STAT6: variants seen among roughly 807,000 people sequenced by gnomAD.
The protein encoded by STAT6 is STAT, interleukin4-induced.
Under a neutral mutation model 106.3 loss-of-function variants are expected in STAT6, and 45 were observed. The observed-to-expected ratio is 0.42, with a 90% confidence interval of 0.33 to 0.54. The LOEUF (loss-of-function observed/expected upper bound fraction) is 0.54, where lower values mean the gene tolerates loss of function less well. Among genes scored for constraint, STAT6 ranks in the 20% least tolerant of loss-of-function variants. The probability of loss-of-function intolerance (pLI) is 0.06; values close to 1 mark genes in which losing one functional copy is unlikely to be tolerated. For synonymous variants in STAT6, 413 were observed against 413.6 expected (o/e 1.00, Z 0.02); for missense variants, 797 against 1,062.2 (o/e 0.75, Z 3.47).
Position 57,104,999 on chromosome 12 carries a change from G to A in STAT6, c.1001+152C>T. ...CCCCCACCCCATTCCAGCCCTAAAT[G>A]GGTCCCTCCCTTTCCTCTGCCTTGA... On this transcript the variant is annotated intron_variant, in intron 9 of 21. Coordinates refer to ENST00000300134, the MANE Select transcript of STAT6 (RefSeq NM_003153.5). 2.5e-6 allele frequency: 3 copies of A among 1,198,118 alleles called. No homozygotes were observed. In the South Asian group the frequency reaches 4.4e-5, roughly 18 times the overall value. The allele number at this position is 1,198,118 out of a possible 1,614,324, so 74.2% of individuals were successfully genotyped here. A position where few individuals can be genotyped will look rare whatever the true frequency, so the allele number is the denominator to read the frequency against.
intron 3 of STAT6, 57 bp downstream of exon 3, chr12:57,107,548 C>G (rs2034350737): frequency 6.3e-7 from 1 of 1,590,652 alleles, no homozygotes; most frequent in East Asian, 2.2e-5. Context: ...GGGCCCAATG[C>G]TCAACCCAGT....
At position 57,096,733 on chromosome 12, in the gene STAT6, G is replaced by T; in HGVS notation, c.2383C>A (p.Leu795Met). Residue 795 changes from leucine (L) to methionine (M), a missense_variant, in exon 22 of 22, where the codon CTG becomes ATG. Transcript: ENST00000300134. ...GTGAGGTCCTGTTCAGTGGGAGGCA[G>T]CAGAGGAGGGAATATGTCTTCACCA... Reference protein sequence around the residue: ...WIGEDIFPPLLPPTEQDLTKL... With the variant: ...WIGEDIFPPLMPPTEQDLTKL... The T allele has an allele frequency of 6.2e-7, 1 of 1,613,200 alleles. No homozygotes were observed. Among genetic ancestry groups the T allele is most frequent in the African/African-American group, 1.3e-5 (1 of 75,002 alleles).
In STAT6 at chr12:57,102,941, G is replaced by A. The variant is rs749481717; in HGVS notation, c.1213-20C>T. Reference sequence around the variant, plus strand: ...CAGGGCCTGAAGAGGGTGAGGACAGGGGTTTCTTTTCTTTCTTTCTTTCCT... The same window carrying A: ...CAGGGCCTGAAGAGGGTGAGGACAGAGGTTTCTTTTCTTTCTTTCTTTCCT... On this transcript the variant is annotated intron_variant, in intron 11 of 21. Transcript: ENST00000300134. 27 of 1,355,986 alleles carry A rather than the reference G, an allele frequency of 2.0e-5. 1 individual carries two copies. The South Asian group carries it at 3.4e-4, about 17-fold the overall frequency. 84.0% of individuals were successfully genotyped at this position (1,355,986 alleles called of 1,614,324 possible). A position where few individuals can be genotyped will look rare whatever the true frequency, so the allele number is the denominator to read the frequency against.
intron 1 of STAT6, 32 bp from the exon 2 acceptor site, chr12:57,108,331 G>T: frequency 4.9e-6 from 6 of 1,229,152 alleles, no homozygotes; most frequent in Non-Finnish European, 7.0e-6. Flanking sequence ...ACTCTGAGGG[G>T]TGCCCAAGAA....
At chr12:57,102,584 C>T (rs1005425785) in intron 12 of STAT6, 88 bp from the exon 13 acceptor site, 2 of 1,373,196 alleles carry the variant, frequency 1.5e-6, no homozygotes, top group Non-Finnish European at 2.0e-6. Context: ...CTGCCTGTGG[C>T]CTACCCCTCC....
intron 18 of STAT6, 73 bp from the exon 19 acceptor site, chr12:57,098,670 T>A (rs2033613681): frequency 1.3e-6 from 2 of 1,563,868 alleles, no homozygotes; most frequent in Non-Finnish European, 8.8e-7. Flanking sequence ...TTTGAACAGG[T>A]GTCCCTCTCA....
intron 3 of STAT6, 135 bp from the exon 4 acceptor site, chr12:57,107,449 G>T (rs2034344371): frequency 5.3e-6 from 7 of 1,311,184 alleles, no homozygotes; most frequent in Non-Finnish European, 7.5e-6. Flanking sequence ...TTGTGCATTT[G>T]CATGCTTTTA....
chr12:57,096,414 G>A lies in STAT6; in HGVS notation c.*158C>T. 1 of 683,618 alleles carries A rather than the reference G, an allele frequency of 1.5e-6. No homozygotes were observed. 42.3% of individuals were successfully genotyped at this position (683,618 alleles called of 1,614,324 possible). A position where few individuals can be genotyped will look rare whatever the true frequency, so the allele number is the denominator to read the frequency against. ...GGAGTGGATTGGCTCCACCCACTGT[G>A]CATTCTCCTGTTAGTCTTTTCCTCC... is the stretch of plus-strand genomic sequence containing the variant. On this transcript the variant is annotated 3_prime_UTR_variant, in exon 22 of 22. Coordinates refer to ENST00000300134, the MANE Select transcript of STAT6 (RefSeq NM_003153.5).
chr12:57,108,403 CCCA>C, intron 1 of STAT6, 104 bp from the exon 2 acceptor site: 1 of 647,356 alleles, frequency 1.5e-6, no homozygotes, highest in Non-Finnish European at 2.8e-6. Flanking sequence ...AGGGACCGTC[CCCA>C]CCACCACTCA....
In STAT6 at chr12:57,103,371, G is replaced by C. The variant is rs188568771; in HGVS notation, c.1213-450C>G. On this transcript the variant is annotated intron_variant, in intron 11 of 21. Transcript: ENST00000300134. ...GTAGATACGAGGTTTCACCGTGTTA[G>C]CCAGGATGGTCTCGATTTCCTGACC... The C allele has an allele frequency of 1.2e-3, 183 of 157,164 alleles. 3 individuals are homozygous for C. In the South Asian group the frequency reaches 0.019, roughly 16 times the overall value. The allele number at this position is 157,164 out of a possible 1,614,324, so 9.7% of individuals were successfully genotyped here.
In STAT6 at chr12:57,102,383, G is replaced by A. The variant is rs1253608071; in HGVS notation, c.1419C>T (p.His473=). The change falls in exon 13 of 22, where the codon CAC becomes CAT. Residue 473 remains histidine, a synonymous_variant. Coordinates refer to ENST00000300134, the MANE Select transcript of STAT6 (RefSeq NM_003153.5). ...VGTNRGLLPE[H]FLFLAQKIFN... ...AGATCTTCTGGGCCAGGAAGAGGAAGTGCTCTGGGAGCAGCCCCCGGTTGG... is the reference window on the plus strand; with the variant it reads ...AGATCTTCTGGGCCAGGAAGAGGAAATGCTCTGGGAGCAGCCCCCGGTTGG... The A allele has an allele frequency of 2.5e-6, 4 of 1,614,198 alleles. No homozygotes were observed. Among genetic ancestry groups the A allele is most frequent in the Non-Finnish European group, 2.5e-6 (3 of 1,180,026 alleles).
chr12:57,104,612 G>A (rs759202551), intron 10 of STAT6, 26 bp from the exon 11 acceptor site: 1 of 1,613,692 alleles, frequency 6.2e-7, no homozygotes, highest in South Asian at 1.1e-5. Context: ...GGGAGAGCAA[G>A]GGCGAGGTCA....
chr12:57,107,018 C>A (rs1300141974), intron 4 of STAT6, among the ~76,000 whole-genome samples, 187 bp from the exon 5 acceptor site: 1 of 152,224 alleles, frequency 6.6e-6, no homozygotes, highest in East Asian at 1.9e-4. Context: ...TTATCCCTTG[C>A]TCTGTTCTCC....
chr12:57,106,193 C>A lies in STAT6; in HGVS notation c.678G>T (p.Glu226Asp). 6.2e-7 allele frequency: 1 copy of A among 1,614,070 alleles called. No individual in the cohort carries two copies. The highest frequency in any genetic ancestry group is 1.3e-5 in the African/African-American group (1 of 75,064). Residue 226 changes from glutamate (E) to aspartate (D), a missense_variant and splice_region_variant, in exon 7 of 22, where the codon GAG becomes GAT. Coordinates refer to ENST00000300134, the MANE Select transcript of STAT6 (RefSeq NM_003153.5). ...TTCCCCATCAGCCCTAGCCCAACCTCTCCTGGAGTGGGGCCAGGCTCTCCT... is the reference window on the plus strand; with the variant it reads ...TTCCCCATCAGCCCTAGCCCAACCTATCCTGGAGTGGGGCCAGGCTCTCCT... ...PFEESLAPLQ[E>D]RCESLVDIYS...
Position 57,102,936 on chromosome 12 carries a change from G to C in STAT6, c.1213-15C>G. ...AGAGACAGGGCCTGAAGAGGGTGAGGACAGGGGTTTCTTTTCTTTCTTTCT... is the reference window on the plus strand; with the variant it reads ...AGAGACAGGGCCTGAAGAGGGTGAGCACAGGGGTTTCTTTTCTTTCTTTCT... On this transcript the variant is annotated splice_polypyrimidine_tract_variant and intron_variant, in intron 11 of 21. Transcript: ENST00000300134. The C allele has an allele frequency of 7.0e-7, 1 of 1,435,942 alleles. No individual in the cohort carries two copies. The highest frequency in any genetic ancestry group is 9.4e-7 in the Non-Finnish European group (1 of 1,062,122). 89.0% of individuals were successfully genotyped at this position (1,435,942 alleles called of 1,614,324 possible).
chr12:57,106,867 C>T (rs759889017), intron 4 of STAT6, 36 bp from the exon 5 acceptor site: 1 of 1,610,690 alleles, frequency 6.2e-7, no homozygotes, highest in Non-Finnish European at 8.5e-7. Flanking sequence ...AAGTGAAACA[C>T]TCTGCTCATC....
At chr12:57,102,693 C>T (rs978861591) in intron 12 of STAT6, 136 bp downstream of exon 12, 30 of 909,490 alleles carry the variant, frequency 3.3e-5, no homozygotes, top group East Asian at 5.1e-5. Context: ...GTCAGAAGCA[C>T]GAAAGCAGGC....
chr12:57,102,258 G>A (rs764270193), intron 13 of STAT6, 32 bp downstream of exon 13: 1 of 1,611,766 alleles, frequency 6.2e-7, no homozygotes, highest in Non-Finnish European at 8.5e-7. Context: ...GAAGAGCTTG[G>A]GGGTGGGAGG....
At chr12:57,106,043 G>A in intron 7 of STAT6, 148 bp downstream of exon 7, 2 of 1,365,830 alleles carry the variant, frequency 1.5e-6, no homozygotes, top group Non-Finnish European at 2.0e-6. Context: ...ACGACAGTGT[G>A]CACAGCCCCG....
Sources: allele counts gnomAD v4.1 joint callset (sites outside exome capture counted in the v4.1 genomes callset), GRCh38; gene constraint gnomAD v4.1.1; transcripts MANE v1.5; gene names NCBI Gene and HGNC (gene_info 2026-07-23, HGNC 2026-07-21).